Variants in UBOX5 observed in about 807,000 individuals in gnomAD.
The protein encoded by UBOX5 is U-box domain containing 5, also known as RING finger protein 37.
Under a neutral mutation model 39.0 loss-of-function variants are expected in UBOX5, and 28 were observed. The ratio of observed to expected loss-of-function variants is 0.72; its 90% CI spans 0.53 to 0.98. The LOEUF (loss-of-function observed/expected upper bound fraction) is 0.98, where lower values mean the gene tolerates loss of function less well. Among genes scored for constraint, UBOX5 ranks in the 50% least tolerant of loss-of-function variants. UBOX5 has a pLI of 0.00. For missense variants in UBOX5, 585 were observed against 674.4 expected (o/e 0.87, Z 1.47); for synonymous variants, 283 against 275.5 (o/e 1.03, Z -0.27).
intron 1 of UBOX5, among the ~76,000 whole-genome samples, chr20:3,144,837 C>A (rs1221478123): frequency 6.6e-6 from 1 of 152,184 alleles, no homozygotes; most frequent in Admixed American, 6.5e-5. Flanking sequence ...GAGCTACTTG[C>A]TATGAAAACC....
chr20:3,111,999 A>G (rs1453211906), intron 4 of UBOX5, among the ~76,000 whole-genome samples: 1 of 152,210 alleles, frequency 6.6e-6, no homozygotes, highest in Admixed American at 6.5e-5. Context: ...TGTAGCCAGG[A>G]AAGAGTGGCC....
At position 3,122,103 on chromosome 20, in the gene UBOX5, T is replaced by G; in HGVS notation, c.536A>C (p.His179Pro). 1 of 1,614,196 alleles carries G rather than the reference T, an allele frequency of 6.2e-7. No homozygotes were observed. The highest frequency in any genetic ancestry group is 8.5e-7 in the Non-Finnish European group (1 of 1,180,036). ...ACAAGGGATACCGCCGCCTGTCACA[T>G]GGGTGATACAGATCCTTAAGTGGGC... ...HVAHLRICITHVTGGGIPCIK... is the reference protein window; with the variant it reads ...HVAHLRICITPVTGGGIPCIK... The change falls in exon 3 of 5, where the codon CAT becomes CCT. Residue 179 changes from histidine to proline, a missense_variant. Transcript: ENST00000217173.
intron 4 of UBOX5, chr20:3,110,525 C>A: frequency 1.7e-6 from 1 of 591,496 alleles, no homozygotes; most frequent in Non-Finnish European, 3.0e-6. Context: ...TTGACCAAAT[C>A]TCAGTGCCTC....
chr20:3,118,473 T>C (rs1304490030), intron 3 of UBOX5, among the ~76,000 whole-genome samples: 1 of 144,810 alleles, frequency 6.9e-6, no homozygotes, highest in African/African-American at 2.6e-5. Flanking sequence ...CTCTGCCTCA[T>C]AAAAATACAA....
chr20:3,158,029 G>A (rs966811232), intron 1 of UBOX5, among the ~76,000 whole-genome samples: 1 of 151,988 alleles, frequency 6.6e-6, no homozygotes, highest in Non-Finnish European at 1.5e-5. Flanking sequence ...GGCGAGGATC[G>A]CTCAAGGATC....
At chr20:3,137,263 A>G (rs979545306) in intron 1 of UBOX5, among the ~76,000 whole-genome samples, 3 of 152,070 alleles carry the variant, frequency 2.0e-5, no homozygotes, top group Admixed American at 6.6e-5. Context: ...TTTCTTTTTA[A>G]AAGATCTAAT....
chr20:3,146,766 T>C, intron 1 of UBOX5: 5 of 1,609,416 alleles, frequency 3.1e-6, no homozygotes, highest in Non-Finnish European at 4.2e-6. Context: ...GAAATGCCCC[T>C]AAATGCCCTT....
At chr20:3,124,491 C>A (rs138745716) in intron 1 of UBOX5, among the ~76,000 whole-genome samples, 10,964 of 152,240 alleles carry the variant, frequency 0.072, 506 homozygotes, top group Middle Eastern at 0.12. Flanking sequence ...ACCTCCCAGC[C>A]GCCTGCCTTG....
chr20:3,136,780 C>A (rs1287742218), intron 1 of UBOX5, among the ~76,000 whole-genome samples: 1 of 152,096 alleles, frequency 6.6e-6, no homozygotes, highest in Non-Finnish European at 1.5e-5. Flanking sequence ...CTCAGCCTCC[C>A]GAGTAGCTGG....
chr20:3,143,855 A>G (rs2066538843), intron 1 of UBOX5, among the ~76,000 whole-genome samples: 1 of 152,112 alleles, frequency 6.6e-6, no homozygotes, highest in Non-Finnish European at 1.5e-5. Flanking sequence ...GCTACTTGGG[A>G]GGCTGAGGTT....
intron 4 of UBOX5, among the ~76,000 whole-genome samples, chr20:3,115,078 T>C (rs2066282788): frequency 6.6e-6 from 1 of 152,078 alleles, no homozygotes; most frequent in Non-Finnish European, 1.5e-5. Context: ...TTACTAAGGA[T>C]TGACTAAAGA....
chr20:3,143,570 T>C (rs1465968129), intron 1 of UBOX5, among the ~76,000 whole-genome samples: 1 of 151,768 alleles, frequency 6.6e-6, no homozygotes, highest in Non-Finnish European at 1.5e-5. Context: ...CCGAGGTGGG[T>C]GGATCACGAG....
chr20:3,151,647 T>G (rs944436219), intron 1 of UBOX5: 1 of 151,158 alleles, frequency 6.6e-6, no homozygotes, highest in African/African-American at 2.4e-5. Context: ...AAAAATAAAT[T>G]AAAAAAATAA....
At chr20:3,127,318 C>T (rs1033654032) in intron 1 of UBOX5, among the ~76,000 whole-genome samples, 1 of 152,198 alleles carries the variant, frequency 6.6e-6, no homozygotes, top group African/African-American at 2.4e-5. Flanking sequence ...GAGCCACTTG[C>T]AGGAGCCAGG....
At chr20:3,157,303 G>A (rs2066696014) in intron 1 of UBOX5, among the ~76,000 whole-genome samples, 1 of 152,164 alleles carries the variant, frequency 6.6e-6, no homozygotes, top group South Asian at 2.1e-4. Context: ...TACCAGTACT[G>A]CGAAGGTGAA....
chr20:3,115,328 G>A lies in UBOX5; in HGVS notation c.1394C>T (p.Ser465Phe). 1.2e-6 allele frequency: 2 copies of A among 1,612,834 alleles called. No homozygotes were observed. The highest frequency in any genetic ancestry group is 2.2e-5 in the South Asian group (2 of 90,918). Residue 465 changes from serine (S) to phenylalanine (F), a missense_variant, in exon 4 of 5, where the codon TCC becomes TTC. Ser to Phe is a radical substitution (Grantham distance 155). Coordinates refer to ENST00000217173, the MANE Select transcript of UBOX5 (RefSeq NM_014948.4). ...ACCCGAGCCGGTGCCAGGCCTCCAG[G>A]AAGTGTTGCTCCCTCTTGTGCCAAG... ...QHLGTRGSNT[S>F]WRPGTGSEQP...
At chr20:3,115,966 G>A (rs977399225) in intron 3 of UBOX5, among the ~76,000 whole-genome samples, 1 of 152,036 alleles carries the variant, frequency 6.6e-6, no homozygotes, top group African/African-American at 2.4e-5. Flanking sequence ...GTTTCACCAT[G>A]TTGGCTAGGA....
chr20:3,110,481 C>T, intron 4 of UBOX5, 167 bp from the exon 5 acceptor site: 1 of 727,030 alleles, frequency 1.4e-6, no homozygotes, highest in Non-Finnish European at 2.3e-6. Flanking sequence ...GGAGAGGGAG[C>T]CTGGGAACCC....
At chr20:3,133,804 T>A (rs1481574503) in intron 1 of UBOX5, among the ~76,000 whole-genome samples, 2 of 151,352 alleles carry the variant, frequency 1.3e-5, no homozygotes, top group Non-Finnish European at 2.9e-5. Context: ...TGGAAAGCAG[T>A]GGTGCAATCT....
Sources: allele counts gnomAD v4.1 joint callset (sites outside exome capture counted in the v4.1 genomes callset), GRCh38; gene constraint gnomAD v4.1.1; transcripts MANE v1.5; gene names NCBI Gene and HGNC (gene_info 2026-07-23, HGNC 2026-07-21).